The following DROSHA variants were observed in gnomAD, a reference collection of about 807,000 sequenced individuals.
DROSHA encodes the protein drosha ribonuclease III.
In DROSHA, 56 loss-of-function variants were observed where a neutral mutation model predicts 181.9. That is an observed-to-expected ratio of 0.31 (90% CI 0.25 to 0.38). The LOEUF (loss-of-function observed/expected upper bound fraction) is 0.38, where lower values mean the gene tolerates loss of function less well. Ranked by LOEUF, DROSHA falls within the 10% of genes least tolerant of loss-of-function variation. The probability of loss-of-function intolerance (pLI) is 1.00; values close to 1 mark genes in which losing one functional copy is unlikely to be tolerated. For missense variants in DROSHA, 1,218 were observed against 1,743.5 expected, an observed-to-expected ratio of 0.70 and a Z score of 5.37; for synonymous variants, 524 against 591.2, an observed-to-expected ratio of 0.89 and a Z score of 1.65.
rs552611429 is a variant in DROSHA, at chr5:31,497,821, T to C, written c.1669-2449A>G. Among the ~76,000 whole-genome samples the C allele has an allele frequency of 7.3e-4, 111 of 152,348 alleles. 1 individual carries two copies. Among genetic ancestry groups the C allele is most frequent in the Non-Finnish European group, 1.4e-3 (93 of 68,020 alleles). On this transcript the variant is annotated intron_variant, in intron 11 of 35. Coordinates refer to ENST00000344624, the MANE Select transcript of DROSHA (RefSeq NM_001382508.1). ...CAGGAGGGACTTCTCCCTTTCCATC[T>C]GATTCTCCTCAAAGATAAGTCTTAG...
rs146392197 is a variant in DROSHA at position 31,493,381 on chromosome 5, T to C, written c.1756-88A>G. ...ATCCATCAGGACAGAAAGTAACCAA[T>C]AGAACATAAGGACTTCCTTTCAGAC... is the stretch of plus-strand genomic sequence containing the variant. On this transcript the variant is annotated intron_variant, in intron 12 of 35. Transcript: ENST00000344624. The C allele has an allele frequency of 8.6e-5, 102 of 1,189,782 alleles. No homozygotes were observed. In the African/African-American group the frequency reaches 1.1e-3, roughly 13 times the overall value. 73.7% of individuals were successfully genotyped at this position (1,189,782 alleles called of 1,614,324 possible). A position where few individuals can be genotyped will look rare whatever the true frequency, so the allele number is the denominator to read the frequency against.
chr5:31,457,479 A>G (rs143527662), intron 20 of DROSHA, among the ~76,000 whole-genome samples: 244 of 152,244 alleles, frequency 1.6e-3, no homozygotes, highest in African/African-American at 5.7e-3. Flanking sequence ...GTGGCAAGAA[A>G]AGGATACAAG....
chr5:31,466,469 A>C (rs1251516617), intron 18 of DROSHA, 188 bp from the exon 19 acceptor site: 1 of 531,980 alleles, frequency 1.9e-6, no homozygotes, highest in Non-Finnish European at 3.4e-6. Context: ...GACAAGAGTC[A>C]ACTGGAACCT....
chr5:31,454,664 G>A (rs866352762), intron 20 of DROSHA, among the ~76,000 whole-genome samples: 18 of 151,994 alleles, frequency 1.2e-4, no homozygotes, highest in African/African-American at 3.9e-4. Context: ...CCAGAGGCCC[G>A]GCACAGTGGT....
intron 27 of DROSHA, among the ~76,000 whole-genome samples, chr5:31,426,668 C>T (rs748108309): frequency 4.9e-4 from 74 of 151,984 alleles, no homozygotes; most frequent in Middle Eastern, 6.8e-3. Context: ...AAAGGTGATT[C>T]CTAGTGAATG....
intron 27 of DROSHA, among the ~76,000 whole-genome samples, chr5:31,425,407 C>T (rs1161065034): frequency 6.6e-6 from 1 of 152,052 alleles, no homozygotes; most frequent in African/African-American, 2.4e-5. Context: ...CTTCTCTTAA[C>T]CAATTCAGAA....
At chr5:31,487,306 CTCTCATTACCTGT>C (rs1304976266) in intron 13 of DROSHA, among the ~76,000 whole-genome samples, 4 of 152,182 alleles carry the variant, frequency 2.6e-5, no homozygotes, top group Non-Finnish European at 4.4e-5. Flanking sequence ...GAGTATACCC[CTCTCATTACCTGT>C]TCTAATACTC....
chr5:31,484,382 A>G (rs1580256263), intron 15 of DROSHA, among the ~76,000 whole-genome samples: 1 of 25,528 alleles, frequency 3.9e-5, no homozygotes, highest in African/African-American at 5.9e-5. Context: ...CTCCGTCTCA[A>G]AAAAAAAAAA....
At chr5:31,413,072 T>C (rs1741513233) in intron 30 of DROSHA, among the ~76,000 whole-genome samples, 1 of 152,180 alleles carries the variant, frequency 6.6e-6, no homozygotes, top group Non-Finnish European at 1.5e-5. Flanking sequence ...CAAATGATGA[T>C]ACCTCACTGG....
At chr5:31,531,148 C>T (rs190119725) in intron 2 of DROSHA, among the ~76,000 whole-genome samples, 90 of 152,190 alleles carry the variant, frequency 5.9e-4, no homozygotes, top group Non-Finnish European at 1.0e-3. Context: ...AACTCAGAAC[C>T]CACGTACAAG....
rs773404948 is a variant in DROSHA, at chr5:31,483,628, C to T, written c.1997G>A (p.Gly666Asp). 7.0e-6 allele frequency: 11 copies of T among 1,567,916 alleles called. No homozygotes were observed. Among genetic ancestry groups the T allele is most frequent in the Non-Finnish European group, 9.5e-6 (11 of 1,162,202 alleles). The part of the protein sequence containing the change: ...ILELYDWNLK[G>D]PLFEDSPPCC... ...GGGAGGGCTGTCTTCAAACAAAGGA[C>T]CTGAAGCAAACAAATGAGAAAAAAA... The change falls in exon 16 of 36, where the codon GGT becomes GAT. Residue 666 changes from glycine to aspartate, a missense_variant and splice_region_variant. Physicochemically the swap from Gly to Asp is moderately conservative, Grantham distance 94. Coordinates refer to ENST00000344624, the MANE Select transcript of DROSHA (RefSeq NM_001382508.1).
intron 29 of DROSHA, among the ~76,000 whole-genome samples, chr5:31,422,239 G>A (rs1241137396): frequency 6.6e-6 from 1 of 151,996 alleles, no homozygotes; most frequent in Non-Finnish European, 1.5e-5. Context: ...ATTTGGTTTG[G>A]AAGAGGGGAG....
At chr5:31,468,243 C>G (rs938909621) in intron 17 of DROSHA, among the ~76,000 whole-genome samples, 180 bp from the exon 18 acceptor site, 3 of 152,200 alleles carry the variant, frequency 2.0e-5, no homozygotes, top group Non-Finnish European at 4.4e-5. Context: ...TAATGTCATC[C>G]TTGTAAATGA....
intron 10 of DROSHA, among the ~76,000 whole-genome samples, chr5:31,506,582 G>A (rs1737986411): frequency 6.6e-6 from 1 of 151,686 alleles, no homozygotes; most frequent in African/African-American, 2.4e-5. Flanking sequence ...GGAGGCTAAG[G>A]CAGGAGAATC....
intron 30 of DROSHA, among the ~76,000 whole-genome samples, chr5:31,412,313 C>A (rs1176923423): frequency 1.3e-5 from 2 of 152,138 alleles, no homozygotes; most frequent in African/African-American, 2.4e-5. Context: ...ATAACAAATT[C>A]TCGGTCTATT....
chr5:31,431,725 C>T, intron 25 of DROSHA, 47 bp from the exon 26 acceptor site: 1 of 1,586,436 alleles, frequency 6.3e-7, no homozygotes, highest in Non-Finnish European at 8.7e-7. Flanking sequence ...TTGCCAAAAT[C>T]TTAACTATAG....
chr5:31,475,538 A>T (rs1025077170), intron 16 of DROSHA, among the ~76,000 whole-genome samples: 2 of 152,226 alleles, frequency 1.3e-5, no homozygotes, highest in Non-Finnish European at 2.9e-5. Context: ...TACACTTCAC[A>T]TGCATACACA....
At chr5:31,498,831 C>T (rs757293251) in intron 11 of DROSHA, among the ~76,000 whole-genome samples, 17 of 151,094 alleles carry the variant, frequency 1.1e-4, no homozygotes, top group Non-Finnish European at 2.1e-4. Context: ...CACTCCAGCC[C>T]GGGCAACAAG....
intron 11 of DROSHA, among the ~76,000 whole-genome samples, chr5:31,502,139 A>T (rs968375458): frequency 6.6e-6 from 1 of 152,286 alleles, no homozygotes; most frequent in African/African-American, 2.4e-5. Flanking sequence ...ATGCACATTT[A>T]GAAACATTGT....
Sources: gnomAD v4.1 joint callset for allele counts (sites outside exome capture counted in the v4.1 genomes callset) on GRCh38, gnomAD v4.1.1 for gene constraint, MANE v1.5 for transcripts, NCBI Gene and HGNC (gene_info 2026-07-23, HGNC 2026-07-21) for gene names.